CDKL2: variants seen among roughly 807,000 people sequenced by gnomAD.
CDKL2 encodes cyclin dependent kinase like 2.
In CDKL2, 64 loss-of-function variants were observed where a neutral mutation model predicts 63.9. That is an observed-to-expected ratio of 1.00 (90% CI 0.82 to 1.23). The LOEUF (loss-of-function observed/expected upper bound fraction) is 1.23, where lower values mean the gene tolerates loss of function less well. Among genes scored for constraint, CDKL2 ranks in the 50% most tolerant of loss-of-function variants. CDKL2 has a pLI of 0.00. For missense variants in CDKL2, 656 were observed against 668.0 expected, an observed-to-expected ratio of 0.98 and a Z score of 0.20; for synonymous variants, 211 against 229.2, an observed-to-expected ratio of 0.92 and a Z score of 0.72.
At chr4:75,604,510 T>A (rs1729339924) in intron 5 of CDKL2, among the ~76,000 whole-genome samples, 1 of 152,232 alleles carries the variant, frequency 6.6e-6, no homozygotes, top group South Asian at 2.1e-4. Context: ...ATTATTTCCA[T>A]TTCTAAGCTC....
chr4:75,585,203 G>C (rs1416529497), intron 12 of CDKL2, among the ~76,000 whole-genome samples: 2 of 152,134 alleles, frequency 1.3e-5, no homozygotes, highest in Non-Finnish European at 2.9e-5. Context: ...GATAAAGAGA[G>C]GCATTTCATA....
intron 3 of CDKL2, among the ~76,000 whole-genome samples, chr4:75,611,829 T>C (rs1225832382): frequency 1.3e-5 from 2 of 151,770 alleles, no homozygotes; most frequent in Admixed American, 6.6e-5. Context: ...TAATTTTGTA[T>C]TTTTAGTAGA....
At chr4:75,595,576 A>G (rs1728878317) in intron 10 of CDKL2, among the ~76,000 whole-genome samples, 1 of 151,930 alleles carries the variant, frequency 6.6e-6, no homozygotes, top group Non-Finnish European at 1.5e-5. Context: ...CTTTTCATCT[A>G]CTCTAAAAAA....
intron 5 of CDKL2, 67 bp downstream of exon 5, chr4:75,605,455 A>G: frequency 1.1e-6 from 1 of 933,196 alleles, no homozygotes; most frequent in Admixed American, 2.2e-5. Flanking sequence ...AAAAATCACA[A>G]ACACACAGGC....
Position 75,630,043 on chromosome 4 carries a change from G to A in CDKL2, c.-31C>T. The stretch of plus-strand genomic sequence containing the variant: ...AGCTTTAAAACGTACTATACTTACC[G>A]TTTCTTCAATCCGTTCGCATAGAAA... On this transcript the variant is annotated splice_region_variant and 5_prime_UTR_variant, in exon 1 of 14. It adds an upstream start codon to the 5' untranslated region. Coordinates refer to ENST00000307465, the MANE Select transcript of CDKL2 (RefSeq NM_001330724.2). The A allele has an allele frequency of 6.7e-6, 1 of 149,504 alleles. No homozygotes were observed. The allele number at this position is 149,504 out of a possible 1,614,324, so 9.3% of individuals were successfully genotyped here. A position where few individuals can be genotyped will look rare whatever the true frequency, so the allele number is the denominator to read the frequency against.
At chr4:75,616,220 C>T (rs558313344) in intron 2 of CDKL2, among the ~76,000 whole-genome samples, 7 of 151,980 alleles carry the variant, frequency 4.6e-5, no homozygotes, top group African/African-American at 1.7e-4. Flanking sequence ...GGAGGGATAG[C>T]TTGAGGCCAG....
chr4:75,608,437 T>C (rs1729528331), intron 3 of CDKL2, among the ~76,000 whole-genome samples: 1 of 152,058 alleles, frequency 6.6e-6, no homozygotes, highest in South Asian at 2.1e-4. Flanking sequence ...AAAACTGTTT[T>C]TTCTAGAGTA....
intron 1 of CDKL2, among the ~76,000 whole-genome samples, chr4:75,629,092 A>G (rs1730562945): frequency 6.6e-6 from 1 of 152,198 alleles, no homozygotes; most frequent in Non-Finnish European, 1.5e-5. Flanking sequence ...TTTGAAAAAA[A>G]AAATCTCCAT....
intron 3 of CDKL2, among the ~76,000 whole-genome samples, chr4:75,610,152 G>A (rs949577738): frequency 1.3e-5 from 2 of 150,588 alleles, no homozygotes; most frequent in African/African-American, 4.9e-5. Context: ...GCAGTGAGCC[G>A]AAATCGAGCC....
chr4:75,603,584 G>T (rs1729293139), intron 6 of CDKL2, among the ~76,000 whole-genome samples: 1 of 150,912 alleles, frequency 6.6e-6, no homozygotes, highest in Admixed American at 6.6e-5. Context: ...CAAAAAATTA[G>T]CCAGGCATGG....
intron 10 of CDKL2, among the ~76,000 whole-genome samples, chr4:75,595,722 G>A (rs1728885778): frequency 6.6e-6 from 1 of 152,058 alleles, no homozygotes; most frequent in African/African-American, 2.4e-5. Context: ...ACGAGGTCAG[G>A]AGTTCAAGAC....
In CDKL2 at chr4:75,578,098, G is replaced by A. The variant is rs1728102009; in HGVS notation, c.*1104C>T. ...GAAACCCAGAAATCAAGAACCTGTA[G>A]CCAACTTAGTTTATTCCTCCCACCT... On this transcript the variant is annotated 3_prime_UTR_variant, in exon 14 of 14. Coordinates refer to ENST00000307465, the MANE Select transcript of CDKL2 (RefSeq NM_001330724.2). 6.6e-6 allele frequency: 1 copy of A among 151,704 alleles called. No homozygotes were observed. The highest frequency in any genetic ancestry group is 1.5e-5 in the Non-Finnish European group (1 of 67,972). 9.4% of individuals were successfully genotyped at this position (151,704 alleles called of 1,614,324 possible).
At chr4:75,599,584 T>C (rs1380557524) in intron 7 of CDKL2, among the ~76,000 whole-genome samples, 1 of 146,576 alleles carries the variant, frequency 6.8e-6, no homozygotes, top group Non-Finnish European at 1.5e-5. Context: ...ACTACCACTG[T>C]CAAGTTTTGC....
rs1730391536 is a variant in CDKL2, at chr4:75,626,028, C to T, written c.-29-11G>A. ...CGTAGAAACTTTTTGCTGTGAAAAC[C>T]AAAACATAGATTTAACAAAGTTGAG... On this transcript the variant is annotated splice_polypyrimidine_tract_variant and intron_variant, in intron 1 of 13. Transcript: ENST00000307465. 6.5e-7 allele frequency: 1 copy of T among 1,532,882 alleles called. No individual in the cohort carries two copies. Among genetic ancestry groups the T allele is most frequent in the South Asian group, 1.2e-5 (1 of 84,694 alleles). The allele number at this position is 1,532,882 out of a possible 1,614,324, so 95.0% of individuals were successfully genotyped here. A position where few individuals can be genotyped will look rare whatever the true frequency, so the allele number is the denominator to read the frequency against.
At chr4:75,598,294 A>T in intron 7 of CDKL2, 82 bp from the exon 8 acceptor site, 1 of 818,980 alleles carries the variant, frequency 1.2e-6, no homozygotes. Flanking sequence ...TTTATTTTTT[A>T]AAAATTGAAT....
intron 3 of CDKL2, 53 bp from the exon 4 acceptor site, chr4:75,607,414 G>A: frequency 7.0e-7 from 1 of 1,425,634 alleles, no homozygotes; most frequent in Non-Finnish European, 9.7e-7. Context: ...TTATTTTGGG[G>A]CACCTGCTAT....
rs1560590471 is a variant in CDKL2 at position 75,614,925 on chromosome 4, A to ATATATATATATGTATATTCATATATATAG, written c.169-477_169-476insCTATATATATGAATATACATATATATATA. ...AAAACTATGTATACATATATATAGT[A>ATATATATATATGTATATTCATATATATAG]TATATATATATGTATATTCATATAT... On this transcript the variant is annotated intron_variant, in intron 2 of 13. Transcript: ENST00000307465. Among the ~76,000 whole-genome samples the ATATATATATATGTATATTCATATATATAG allele has an allele frequency of 1.7e-4, 25 of 147,984 alleles. 1 individual carries two copies. Among genetic ancestry groups the ATATATATATATGTATATTCATATATATAG allele is most frequent in the African/African-American group, 5.6e-4 (23 of 40,710 alleles).
chr4:75,627,046 T>C (rs977799503), intron 1 of CDKL2, among the ~76,000 whole-genome samples: 19 of 150,178 alleles, frequency 1.3e-4, no homozygotes, highest in Non-Finnish European at 2.7e-4. Flanking sequence ...TCTACTAAAA[T>C]ACAAAAATTA....
intron 12 of CDKL2, among the ~76,000 whole-genome samples, chr4:75,588,620 T>C (rs1175189090): frequency 6.6e-6 from 1 of 152,178 alleles, no homozygotes; most frequent in Non-Finnish European, 1.5e-5. Flanking sequence ...TCAGTAACCA[T>C]AGGTAGAAAT....
Sources: gnomAD v4.1 joint callset for allele counts (sites outside exome capture counted in the v4.1 genomes callset) on GRCh38, gnomAD v4.1.1 for gene constraint, MANE v1.5 for transcripts, NCBI Gene and HGNC (gene_info 2026-07-23, HGNC 2026-07-21) for gene names.